NUBPL: variants seen among roughly 807,000 people sequenced by gnomAD.
NUBPL encodes the protein NUBP iron-sulfur cluster assembly factor, mitochondrial, also known as iron-sulfur cluster transfer protein NUBPL.
A neutral mutation model predicts 45.7 loss-of-function variants in NUBPL; 31 were observed. The ratio of observed to expected loss-of-function variants is 0.68; its 90% CI spans 0.51 to 0.92. NUBPL has a LOEUF of 0.92. Ranked by LOEUF, NUBPL falls within the 40% of genes least tolerant of loss-of-function variation. The pLI is 0.00. For missense variants in NUBPL, 401 were observed against 398.7 expected, an observed-to-expected ratio of 1.01 and a Z score of -0.05; for synonymous variants, 144 against 140.9, an observed-to-expected ratio of 1.02 and a Z score of -0.15.
intron 6 of NUBPL, among the ~76,000 whole-genome samples, chr14:31,699,319 T>C (rs2037283036): frequency 1.3e-5 from 2 of 152,264 alleles, no homozygotes; most frequent in African/African-American, 4.8e-5. Flanking sequence ...ATAGGTTGAA[T>C]TGATATATTA....
rs1453265839 is a variant in NUBPL at position 31,856,728 on chromosome 14, G to A, written c.898-2390G>A. Among the ~76,000 whole-genome samples, 10 of 152,174 alleles carry A rather than the reference G, an allele frequency of 6.6e-5. No homozygotes were observed. In the East Asian group the frequency reaches 1.9e-3, roughly 29 times the overall value. On this transcript the variant is annotated intron_variant, in intron 10 of 10. Transcript: ENST00000281081. ...TCTGGTGGGACAGTCAAAGCTTAAA[G>A]CTCCAAAATTATCTCCCTTGACTCT...
At chr14:31,682,051 T>C (rs540341569) in intron 6 of NUBPL, among the ~76,000 whole-genome samples, 1 of 152,292 alleles carries the variant, frequency 6.6e-6, no homozygotes, top group African/African-American at 2.4e-5. Context: ...GTCAGGTTGG[T>C]TGACAGAGTT....
At chr14:31,736,906 CTT>C (rs1357051975) in intron 6 of NUBPL, among the ~76,000 whole-genome samples, 1 of 152,132 alleles carries the variant, frequency 6.6e-6, no homozygotes, top group African/African-American at 2.4e-5. Context: ...TTTGGTATCT[CTT>C]TGTGTTTTAA....
chr14:31,644,292 T>C (rs1011177673), intron 4 of NUBPL, among the ~76,000 whole-genome samples: 2 of 152,122 alleles, frequency 1.3e-5, no homozygotes, highest in Non-Finnish European at 2.9e-5. Flanking sequence ...TGTTTATTGC[T>C]ATAGACTTCC....
intron 7 of NUBPL, chr14:31,800,736 A>C (rs7141477): frequency 6.6e-6 from 1 of 152,122 alleles, no homozygotes. Context: ...GCTGTGTATG[A>C]TATCTGAAGA....
intron 8 of NUBPL, chr14:31,843,823 C>G (rs2040412787): frequency 6.6e-6 from 1 of 152,222 alleles, no homozygotes; most frequent in Non-Finnish European, 1.5e-5. Context: ...CTGTTCTACA[C>G]TCTCATAATA....
At chr14:31,693,617 T>C (rs2037139809) in intron 6 of NUBPL, among the ~76,000 whole-genome samples, 1 of 152,134 alleles carries the variant, frequency 6.6e-6, no homozygotes, top group South Asian at 2.1e-4. Context: ...AGTCATTGAA[T>C]ATTGTTATTG....
rs2040638973 is a variant in NUBPL, at chr14:31,857,323, AG to A, written c.898-1794del. Among the ~76,000 whole-genome samples the A allele has an allele frequency of 3.9e-5, 6 of 152,180 alleles. 1 individual carries two copies. The South Asian group carries it at 1.2e-3, about 32-fold the overall frequency. On this transcript the variant is annotated intron_variant, in intron 10 of 10. Coordinates refer to ENST00000281081, the MANE Select transcript of NUBPL (RefSeq NM_025152.3). The stretch of plus-strand genomic sequence containing the variant: ...AACACGGGGACTCTGGGCCCAGCCC[AG>A]AAAAATTATATTTTCCTCCTAGGCC...
chr14:31,603,755 A>G (rs948042110), intron 4 of NUBPL, among the ~76,000 whole-genome samples: 27 of 152,148 alleles, frequency 1.8e-4, no homozygotes, highest in African/African-American at 6.0e-4. Flanking sequence ...CCACTTAATT[A>G]TTTTCTTGTT....
chr14:31,816,885 G>T (rs1354961094), intron 7 of NUBPL, among the ~76,000 whole-genome samples: 1 of 152,082 alleles, frequency 6.6e-6, no homozygotes, highest in African/African-American at 2.4e-5. Flanking sequence ...TTGCACTGTG[G>T]TCTGAGAGAC....
chr14:31,636,609 T>G (rs544894153), intron 4 of NUBPL, among the ~76,000 whole-genome samples: 15 of 152,336 alleles, frequency 9.8e-5, no homozygotes, highest in African/African-American at 3.4e-4. Flanking sequence ...CCTCATAAAA[T>G]GAGTTAGGAA....
At chr14:31,606,606 C>T (rs769513755) in intron 4 of NUBPL, among the ~76,000 whole-genome samples, 6 of 152,072 alleles carry the variant, frequency 3.9e-5, no homozygotes, top group Non-Finnish European at 7.4e-5. Flanking sequence ...TTAGCCCAGC[C>T]GGTTAGGGTG....
intron 6 of NUBPL, among the ~76,000 whole-genome samples, chr14:31,782,612 G>A (rs1313241748): frequency 6.6e-6 from 1 of 152,096 alleles, no homozygotes; most frequent in African/African-American, 2.4e-5. Context: ...CCAACATGGT[G>A]AAACCCTGTC....
At chr14:31,815,877 G>A (rs1354506063) in intron 7 of NUBPL, among the ~76,000 whole-genome samples, 1 of 152,170 alleles carries the variant, frequency 6.6e-6, no homozygotes, top group Non-Finnish European at 1.5e-5. Flanking sequence ...GCATGCCAGG[G>A]ATGAAGCCGA....
intron 6 of NUBPL, among the ~76,000 whole-genome samples, chr14:31,766,400 T>C (rs1416152920): frequency 6.6e-6 from 1 of 152,164 alleles, no homozygotes; most frequent in Admixed American, 6.5e-5. Flanking sequence ...TTTTTTAAAA[T>C]AAAGGATTCT....
intron 7 of NUBPL, among the ~76,000 whole-genome samples, chr14:31,810,054 G>T (rs961364749): frequency 6.6e-6 from 1 of 152,152 alleles, no homozygotes; most frequent in Non-Finnish European, 1.5e-5. Context: ...GTCAATTTTG[G>T]AATAAGTGTG....
chr14:31,767,431 T>G (rs1217253915), intron 6 of NUBPL, among the ~76,000 whole-genome samples: 4 of 152,082 alleles, frequency 2.6e-5, no homozygotes, highest in Non-Finnish European at 5.9e-5. Flanking sequence ...GCTAGGATGG[T>G]CTCTGTCTCC....
At chr14:31,788,697 T>A (rs2039327526) in intron 7 of NUBPL, among the ~76,000 whole-genome samples, 1 of 152,154 alleles carries the variant, frequency 6.6e-6, no homozygotes, top group Admixed American at 6.6e-5. Context: ...AGTGAGCAAT[T>A]ACTGGGCATC....
chr14:31,838,613 G>A (rs189751381), intron 8 of NUBPL, among the ~76,000 whole-genome samples: 61 of 152,202 alleles, frequency 4.0e-4, no homozygotes, highest in African/African-American at 1.4e-3. Context: ...CTGGGGTGTT[G>A]GCAACATTTT....
Sources: allele counts gnomAD v4.1 joint callset (sites outside exome capture counted in the v4.1 genomes callset), GRCh38; gene constraint gnomAD v4.1.1; transcripts MANE v1.5; gene names NCBI Gene and HGNC (gene_info 2026-07-23, HGNC 2026-07-21).